GALNT7: variants seen among roughly 807,000 people sequenced by gnomAD.
GALNT7 encodes the protein polypeptide N-acetylgalactosaminyltransferase 7.
Under a neutral mutation model 82.1 loss-of-function variants are expected in GALNT7, and 60 were observed. The ratio of observed to expected loss-of-function variants is 0.73; its 90% CI spans 0.59 to 0.91. GALNT7 has a LOEUF of 0.91. Among genes scored for constraint, GALNT7 ranks in the 40% least tolerant of loss-of-function variants. The pLI, the probability that GALNT7 is intolerant of heterozygous loss-of-function variation, is 0.00. For synonymous variants in GALNT7, 243 were observed against 275.1 expected, an observed-to-expected ratio of 0.88 and a Z score of 1.15; for missense variants, 660 against 804.2, an observed-to-expected ratio of 0.82 and a Z score of 2.17.
At chr4:173,187,610 T>TTAAG (rs1172657511) in intron 1 of GALNT7, among the ~76,000 whole-genome samples, 16 of 152,206 alleles carry the variant, frequency 1.1e-4, no homozygotes, top group Non-Finnish European at 1.5e-4. Flanking sequence ...TTTGTGGCAG[T>TTAAG]TACTTGTTTC....
rs1735682815 is a variant in GALNT7, at chr4:173,270,509, C to T, written c.588-21599C>T. Among the ~76,000 whole-genome samples, 5 of 152,294 alleles carry T rather than the reference C, an allele frequency of 3.3e-5. No individual in the cohort carries two copies. The South Asian group carries it at 1.0e-3, about 32-fold the overall frequency. ...ATGAAGGCTTTCGTATTCAAGATCA[C>T]CATAGAGGTCAGTGCTGTGAAGCTA... On this transcript the variant is annotated intron_variant, in intron 2 of 11. Transcript: ENST00000265000.
rs546219303 is a variant in GALNT7 at position 173,323,019 on chromosome 4, A to G, written c.*1302A>G. The G allele has an allele frequency of 6.6e-6, 1 of 152,230 alleles. No individual in the cohort carries two copies. The highest frequency in any genetic ancestry group is 2.1e-4 in the South Asian group (1 of 4,830). The allele number at this position is 152,230 out of a possible 1,614,324, so 9.4% of individuals were successfully genotyped here. The stretch of plus-strand genomic sequence containing the variant: ...ATTTGTTTGGATTTAAACATTTACT[A>G]AGACAGTACCTATTAGGAAAACCAA... On this transcript the variant is annotated 3_prime_UTR_variant, in exon 12 of 12. Coordinates refer to ENST00000265000, the MANE Select transcript of GALNT7 (RefSeq NM_017423.3).
intron 1 of GALNT7, among the ~76,000 whole-genome samples, chr4:173,193,311 A>G (rs1732680948): frequency 6.6e-6 from 1 of 152,210 alleles, no homozygotes; most frequent in African/African-American, 2.4e-5. Context: ...ATTCTAGAGT[A>G]ACATACACTC....
At chr4:173,229,729 T>G (rs565986664) in intron 1 of GALNT7, among the ~76,000 whole-genome samples, 1 of 152,216 alleles carries the variant, frequency 6.6e-6, no homozygotes, top group African/African-American at 2.4e-5. Context: ...GAATCATGCT[T>G]GTTTCATTGT....
rs202210734 is a variant in GALNT7 at position 173,216,706 on chromosome 4, CAT to C, written c.127-31253_127-31252del. Among the ~76,000 whole-genome samples, 14 of 56,972 alleles carry C rather than the reference CAT, an allele frequency of 2.5e-4. 1 individual carries two copies. Among genetic ancestry groups the C allele is most frequent in the East Asian group, 9.9e-4 (2 of 2,022 alleles). The allele number at this position is 56,972 out of a possible 152,430, so 37.4% of individuals were successfully genotyped here. On this transcript the variant is annotated intron_variant, in intron 1 of 11. Transcript: ENST00000265000. ...GTAATTTGGTTTCTTGTGTACTATT[CAT>C]ATATATATATATATATATATTTTTT...
intron 9 of GALNT7, chr4:173,316,483 T>G (rs1737609244): frequency 6.6e-6 from 1 of 152,252 alleles, no homozygotes; most frequent in Non-Finnish European, 1.5e-5. Context: ...TTAACTTATA[T>G]TCTGTCTTTT....
chr4:173,283,052 G>C (rs1369448262), intron 2 of GALNT7, among the ~76,000 whole-genome samples: 1 of 152,190 alleles, frequency 6.6e-6, no homozygotes, highest in Non-Finnish European at 1.5e-5. Flanking sequence ...GAGATGGCTG[G>C]TTGGTTTACA....
At chr4:173,218,608 T>C (rs2126683909) in intron 1 of GALNT7, among the ~76,000 whole-genome samples, 1 of 152,326 alleles carries the variant, frequency 6.6e-6, no homozygotes, top group Admixed American at 6.5e-5. Flanking sequence ...TCCCAGCCAC[T>C]TAGATTTCCT....
At chr4:173,219,751 C>T (rs6553683) in intron 1 of GALNT7, among the ~76,000 whole-genome samples, 151,085 of 152,354 alleles carry the variant, frequency 0.99, 74,927 homozygotes, top group East Asian at 1. Flanking sequence ...TTAGTGATAT[C>T]GAGCATTTTT....
intron 1 of GALNT7, among the ~76,000 whole-genome samples, chr4:173,207,565 C>T (rs1733139166): frequency 6.6e-6 from 1 of 152,120 alleles, no homozygotes; most frequent in East Asian, 1.9e-4. Flanking sequence ...TGTTTCTCAC[C>T]TCTCTGATGT....
chr4:173,314,093 A>C lies in GALNT7; in HGVS notation c.1525A>C (p.Ser509Arg). ...ATTTCGAGAAGATCACAACTGCAAA[A>C]GTTTTAAGTGGTTCATGGAAGAAAT... ...KKFREDHNCK[S>R]FKWFMEEIAY... The change falls in exon 9 of 12, where the codon AGT becomes CGT. Residue 509 changes from serine to arginine, a missense_variant. Coordinates refer to ENST00000265000, the MANE Select transcript of GALNT7 (RefSeq NM_017423.3). 1.2e-6 allele frequency: 2 copies of C among 1,614,006 alleles called. No individual in the cohort carries two copies. The highest frequency in any genetic ancestry group is 1.7e-6 in the Non-Finnish European group (2 of 1,179,886).
At chr4:173,196,209 C>A (rs1251562688) in intron 1 of GALNT7, among the ~76,000 whole-genome samples, 1 of 151,822 alleles carries the variant, frequency 6.6e-6, no homozygotes, top group Non-Finnish European at 1.5e-5. Context: ...ACTGCAACCT[C>A]CACCTCCTAG....
At chr4:173,228,090 T>G (rs563559572) in intron 1 of GALNT7, among the ~76,000 whole-genome samples, 4 of 152,058 alleles carry the variant, frequency 2.6e-5, no homozygotes, top group Middle Eastern at 3.4e-3. Context: ...GAAAAAATAT[T>G]CAAGTTATAT....
At chr4:173,247,151 G>A (rs553916633) in intron 1 of GALNT7, among the ~76,000 whole-genome samples, 49 of 151,832 alleles carry the variant, frequency 3.2e-4, no homozygotes, top group Non-Finnish European at 2.6e-4. Flanking sequence ...TGTCTTGTGC[G>A]AAGAATGGTA....
chr4:173,292,109 T>C lies in GALNT7; in HGVS notation c.589T>C (p.Cys197Arg). 6.2e-7 allele frequency: 1 copy of C among 1,600,814 alleles called. No homozygotes were observed. Among genetic ancestry groups the C allele is most frequent in the Non-Finnish European group, 8.5e-7 (1 of 1,171,318 alleles). Residue 197 changes from cysteine to arginine, a missense_variant and splice_region_variant, in exon 3 of 12, where the codon TGC becomes CGC. By Grantham distance (180) the Cys-to-Arg change is radical. This residue lies in a region of GALNT7 where 527 missense variants were observed against 683.5 expected (regional missense o/e 0.77). Transcript: ENST00000265000. The surrounding 1 kb of genome is among the most constrained non-coding windows in gnomAD (Gnocchi z 4.8). ...TATGATGAAATTTTCTCTTTACAGA[T>C]GCAAGTATTGGCATTATGATGAAAA... The part of the protein sequence containing the change: ...RSVNDLRQEE[C>R]KYWHYDENLL...
At chr4:173,216,728 T>TATATATATATATATATATATATA (rs374031950) in intron 1 of GALNT7, among the ~76,000 whole-genome samples, 12 of 8,034 alleles carry the variant, frequency 1.5e-3, no homozygotes, top group Admixed American at 2.8e-3. Context: ...TATATATATA[T>TATATATATATATATATATATATA]TTTTTTTTTT....
intron 1 of GALNT7, among the ~76,000 whole-genome samples, chr4:173,179,767 T>C (rs1427281285): frequency 1.3e-5 from 2 of 152,176 alleles, no homozygotes; most frequent in Admixed American, 6.5e-5. Context: ...TTAAAAAATA[T>C]ATTCCTTAGA....
chr4:173,209,516 G>A (rs188787502), intron 1 of GALNT7, among the ~76,000 whole-genome samples: 223 of 152,284 alleles, frequency 1.5e-3, no homozygotes, highest in African/African-American at 5.2e-3. Context: ...TGACATTTGT[G>A]TAGTTACTTG....
At chr4:173,305,031 A>G (rs1443309462) in intron 8 of GALNT7, among the ~76,000 whole-genome samples, 1 of 152,166 alleles carries the variant, frequency 6.6e-6, no homozygotes, top group African/African-American at 2.4e-5. Flanking sequence ...CTTTGGATAT[A>G]TACCTAGTAA....
Sources: allele counts gnomAD v4.1 joint callset (sites outside exome capture counted in the v4.1 genomes callset), GRCh38; gene constraint gnomAD v4.1.1; regional missense constraint gnomAD v4.1.1; non-coding constraint Gnocchi (gnomAD v3.1); transcripts MANE v1.5; gene names NCBI Gene and HGNC (gene_info 2026-07-23, HGNC 2026-07-21).